Variants in RBFOX3 observed in about 807,000 individuals in gnomAD.
RBFOX3 encodes RNA binding protein fox-1 homolog 3.
In RBFOX3, 17 loss-of-function variants were observed where a neutral mutation model predicts 48.7. That is an observed-to-expected ratio of 0.35 (90% CI 0.24 to 0.52). The LOEUF (loss-of-function observed/expected upper bound fraction) is 0.52. RBFOX3 is among the 20% of genes least tolerant of loss of function. The pLI, the probability that RBFOX3 is intolerant of heterozygous loss-of-function variation, is 0.94. For missense variants in RBFOX3, 382 were observed against 497.5 expected, an observed-to-expected ratio of 0.77 and a Z score of 2.21; for synonymous variants, 212 against 209.5, an observed-to-expected ratio of 1.01 and a Z score of -0.10.
At chr17:79,192,227 G>A (rs990487634) in intron 4 of RBFOX3, among the ~76,000 whole-genome samples, 1 of 152,190 alleles carries the variant, frequency 6.6e-6, no homozygotes, top group Non-Finnish European at 1.5e-5. Context: ...GCAAGGAGGT[G>A]TGGGAAGTTG....
chr17:79,209,431 C>A (rs1254932525), intron 4 of RBFOX3, among the ~76,000 whole-genome samples: 1 of 152,244 alleles, frequency 6.6e-6, no homozygotes, highest in Non-Finnish European at 1.5e-5. Context: ...GGGACACACC[C>A]ATTGAACCAA....
At chr17:79,626,570 T>C in the RBFOX3 span, among the ~76,000 whole-genome samples, 1 of 152,220 alleles carries the variant, frequency 6.6e-6, no homozygotes, top group African/African-American at 2.4e-5. Context: ...ATTCTCGATA[T>C]TCAGCTGGGC....
At chr17:79,507,696 C>G (rs2083372255) in intron 1 of RBFOX3, among the ~76,000 whole-genome samples, 1 of 152,210 alleles carries the variant, frequency 6.6e-6, no homozygotes, top group South Asian at 2.1e-4. Context: ...CAGGAGATGT[C>G]CATGAGGTCT....
intron 4 of RBFOX3, among the ~76,000 whole-genome samples, chr17:79,181,071 G>A (rs921094962): frequency 6.6e-6 from 1 of 152,236 alleles, no homozygotes; most frequent in African/African-American, 2.4e-5. Flanking sequence ...AGCGCCAAAT[G>A]TGTGGCTGCC....
chr17:79,131,204 T>C (rs1213273273), intron 4 of RBFOX3, among the ~76,000 whole-genome samples: 1 of 147,614 alleles, frequency 6.8e-6, no homozygotes, highest in East Asian at 1.9e-4. Flanking sequence ...GCTCCGTGTG[T>C]TCTGTGCACT....
chr17:79,189,857 G>A (rs982464377), intron 4 of RBFOX3, among the ~76,000 whole-genome samples: 3 of 152,224 alleles, frequency 2.0e-5, no homozygotes, highest in African/African-American at 7.2e-5. Context: ...TGGAGATGAT[G>A]ACTCCAGCTC....
chr17:79,426,008 G>A (rs1401701225), intron 2 of RBFOX3, among the ~76,000 whole-genome samples: 4 of 152,138 alleles, frequency 2.6e-5, no homozygotes, highest in African/African-American at 9.7e-5. Flanking sequence ...CACGGAGAGT[G>A]TGGAGGGGGA....
chr17:79,463,177 C>CGCCATT (rs1568294283), intron 2 of RBFOX3, among the ~76,000 whole-genome samples: 1 of 69,058 alleles, frequency 1.4e-5, no homozygotes, highest in African/African-American at 3.4e-5. Flanking sequence ...CCACCTCCAC[C>CGCCATT]GCCATCGCCA....
At chr17:79,181,604 G>A (rs917970465) in intron 4 of RBFOX3, among the ~76,000 whole-genome samples, 1 of 152,106 alleles carries the variant, frequency 6.6e-6, no homozygotes, top group Non-Finnish European at 1.5e-5. Flanking sequence ...AAGATCAAGG[G>A]CCCTGGGCTG....
chr17:79,261,833 T>G (rs1243826035), intron 3 of RBFOX3, among the ~76,000 whole-genome samples: 1 of 152,164 alleles, frequency 6.6e-6, no homozygotes, highest in African/African-American at 2.4e-5. Context: ...CCCTCCTGTT[T>G]CTTGGCAGCT....
the RBFOX3 span, among the ~76,000 whole-genome samples, chr17:79,650,194 A>G: frequency 2.0e-5 from 3 of 152,190 alleles, no homozygotes; most frequent in African/African-American, 7.2e-5. Context: ...ATCCCCAACT[A>G]AACTGGGGGG....
At chr17:79,157,864 C>T (rs553354146) in intron 4 of RBFOX3, among the ~76,000 whole-genome samples, 1 of 152,178 alleles carries the variant, frequency 6.6e-6, no homozygotes, top group Non-Finnish European at 1.5e-5. Context: ...CGTCTGGAGA[C>T]GCAGCACAGG....
rs560747670 is a variant in RBFOX3 at position 79,263,923 on chromosome 17, C to T, written c.-73-28118G>A. ...TTAGGGTTAGCCCTAAATCGAATAG[C>T]GGTTGCCTTTATAAGAGAAAGGAGG... On this transcript the variant is annotated intron_variant, in intron 3 of 14. Transcript: ENST00000693108. Among the ~76,000 whole-genome samples, 12 of 151,936 alleles carry T rather than the reference C, an allele frequency of 7.9e-5. No individual in the cohort carries two copies. In the South Asian group the frequency reaches 2.1e-3, roughly 26 times the overall value.
At chr17:79,437,967 A>G (rs1469310983) in intron 2 of RBFOX3, among the ~76,000 whole-genome samples, 1 of 152,196 alleles carries the variant, frequency 6.6e-6, no homozygotes, top group East Asian at 1.9e-4. Context: ...GAGGGGCACA[A>G]GCACACCATG....
chr17:79,395,190 A>G (rs2148291333), intron 2 of RBFOX3, among the ~76,000 whole-genome samples: 1 of 152,326 alleles, frequency 6.6e-6, no homozygotes, highest in South Asian at 2.1e-4. Context: ...CCTTTGTTTC[A>G]TTTGCAGCCA....
chr17:79,283,552 A>T (rs1281341553), intron 3 of RBFOX3, among the ~76,000 whole-genome samples: 1 of 152,076 alleles, frequency 6.6e-6, no homozygotes, highest in Non-Finnish European at 1.5e-5. Flanking sequence ...TACAGGCGTG[A>T]GCTATCGCAT....
At chr17:79,094,209 G>A (rs917570974) in intron 14 of RBFOX3, 12 of 431,592 alleles carry the variant, frequency 2.8e-5, no homozygotes, top group Admixed American at 2.6e-4. Flanking sequence ...ACATTGGGGT[G>A]CTTTCCAGAG....
intron 3 of RBFOX3, among the ~76,000 whole-genome samples, chr17:79,307,078 C>A (rs2076203514): frequency 6.6e-6 from 1 of 152,270 alleles, no homozygotes; most frequent in Admixed American, 6.5e-5. Context: ...GAAGAATGAG[C>A]TCATACCTAC....
intron 2 of RBFOX3, among the ~76,000 whole-genome samples, chr17:79,389,084 A>G (rs2060979539): frequency 6.7e-6 from 1 of 149,982 alleles, no homozygotes; most frequent in Non-Finnish European, 1.5e-5. Context: ...AGACGGAGGG[A>G]CGAAGCGGTG....
Sources: allele counts gnomAD v4.1 joint callset (sites outside exome capture counted in the v4.1 genomes callset), GRCh38; gene constraint gnomAD v4.1.1; transcripts MANE v1.5; gene names NCBI Gene and HGNC (gene_info 2026-07-23, HGNC 2026-07-21).